Variants in RPSA2 observed in about 807,000 individuals in gnomAD.
RPSA2 encodes small ribosomal subunit protein uS2B.
At chr19:23,857,405 G>A in the RPSA2 span, among the ~76,000 whole-genome samples, 726 of 151,524 alleles carry the variant, frequency 4.8e-3, 4 homozygotes, top group Non-Finnish European at 6.7e-3. Flanking sequence ...GCTCCAGCCG[G>A]TCCCTCCATT....
chr19:23,830,820 A>G, the RPSA2 span, among the ~76,000 whole-genome samples: 1 of 151,804 alleles, frequency 6.6e-6, no homozygotes, highest in African/African-American at 2.4e-5. Flanking sequence ...CTGGGATCAT[A>G]TTGCCCTATT....
chr19:23,832,574 G>A, the RPSA2 span: 4 of 1,042,074 alleles, frequency 3.8e-6, no homozygotes, highest in South Asian at 1.4e-5. Context: ...ATGTGGCAAT[G>A]CTTTTAGCCA....
chr19:23,802,855 A>T, the RPSA2 span, among the ~76,000 whole-genome samples: 2 of 152,166 alleles, frequency 1.3e-5, no homozygotes, highest in African/African-American at 4.8e-5. Flanking sequence ...AAAATATGGG[A>T]TATATTTGCA....
the RPSA2 span, among the ~76,000 whole-genome samples, chr19:23,776,335 TG>T: frequency 6.6e-6 from 1 of 152,156 alleles, no homozygotes; most frequent in East Asian, 1.9e-4. Context: ...GCTTTCCACA[TG>T]GGGCATTTGG....
the RPSA2 span, among the ~76,000 whole-genome samples, chr19:23,807,389 G>T: frequency 6.6e-6 from 1 of 152,262 alleles, no homozygotes; most frequent in African/African-American, 2.4e-5. Flanking sequence ...AAAATAATCT[G>T]CATTAACATG....
At chr19:23,763,077 G>C in the RPSA2 span, 1 of 154,586 alleles carries the variant, frequency 6.5e-6, no homozygotes, top group African/African-American at 2.4e-5. Flanking sequence ...TACAGCCTCT[G>C]TTGACCTATG....
chr19:23,824,580 CT>C, the RPSA2 span, among the ~76,000 whole-genome samples: 862 of 63,774 alleles, frequency 0.014, 61 homozygotes, highest in African/African-American at 0.041. Flanking sequence ...TATAGCATTT[CT>C]TTTTTTTTTT....
chr19:23,795,973 C>A, the RPSA2 span, among the ~76,000 whole-genome samples: 1 of 152,110 alleles, frequency 6.6e-6, no homozygotes, highest in African/African-American at 2.4e-5. Context: ...CCATGTCAGC[C>A]AGGTTGATCT....
the RPSA2 span, among the ~76,000 whole-genome samples, chr19:23,791,834 G>C: frequency 6.6e-6 from 1 of 150,980 alleles, no homozygotes; most frequent in African/African-American, 2.4e-5. Flanking sequence ...CCACCTTCTG[G>C]GTTCAAGCAA....
chr19:23,838,966 TC>T, the RPSA2 span, among the ~76,000 whole-genome samples: 1 of 152,170 alleles, frequency 6.6e-6, no homozygotes, highest in Admixed American at 6.5e-5. Context: ...TCTGCTCTGA[TC>T]TTGATTATTT....
chr19:23,758,734 C>T, the RPSA2 span: 8 of 1,614,242 alleles, frequency 5.0e-6, no homozygotes, highest in Non-Finnish European at 6.8e-6. Context: ...GATGTCGGAC[C>T]CGACATTCTC....
At chr19:23,798,494 G>T in the RPSA2 span, among the ~76,000 whole-genome samples, 1 of 152,062 alleles carries the variant, frequency 6.6e-6, no homozygotes, top group African/African-American at 2.4e-5. Context: ...ACAATAGTAT[G>T]AATATAAAGC....
the RPSA2 span, among the ~76,000 whole-genome samples, chr19:23,760,221 A>G: frequency 6.6e-6 from 1 of 152,106 alleles, no homozygotes; most frequent in African/African-American, 2.4e-5. Flanking sequence ...ACATGGGGCC[A>G]GGAGGTGAAG....
chr19:23,781,424 T>C, the RPSA2 span, among the ~76,000 whole-genome samples: 1 of 152,148 alleles, frequency 6.6e-6, no homozygotes, highest in Non-Finnish European at 1.5e-5. Flanking sequence ...CTGCAACTTC[T>C]GCCTCCTGGG....
chr19:23,766,751 G>T, the RPSA2 span, among the ~76,000 whole-genome samples: 1 of 103,754 alleles, frequency 9.6e-6, no homozygotes, highest in African/African-American at 3.7e-5. Flanking sequence ...ACCGTGCCGG[G>T]CCAAATGTTT....
At chr19:23,865,693 C>T in the RPSA2 span, among the ~76,000 whole-genome samples, 2 of 152,254 alleles carry the variant, frequency 1.3e-5, no homozygotes, top group Non-Finnish European at 2.9e-5. Context: ...GAAGTAGAAA[C>T]CCCCACACAA....
chr19:23,809,613 A>G, the RPSA2 span: 3 of 152,030 alleles, frequency 2.0e-5, no homozygotes, highest in African/African-American at 7.2e-5. Context: ...TTTCATTGCT[A>G]TTGTAAATAA....
chr19:23,804,373 T>C, the RPSA2 span, among the ~76,000 whole-genome samples: 1 of 149,164 alleles, frequency 6.7e-6, no homozygotes, highest in Non-Finnish European at 1.5e-5. Flanking sequence ...TTCGGCTCAC[T>C]GCAAGCTCCG....
chr19:23,868,512 A>C, the RPSA2 span, among the ~76,000 whole-genome samples: 732 of 83,904 alleles, frequency 8.7e-3, 4 homozygotes, highest in Non-Finnish European at 0.011. Flanking sequence ...TTGAGAAAAC[A>C]AAAAAAAAGG....
Sources: gnomAD v4.1 joint callset for allele counts (sites outside exome capture counted in the v4.1 genomes callset) on GRCh38, gnomAD v4.1.1 for gene constraint, MANE v1.5 for transcripts, NCBI Gene and HGNC (gene_info 2026-07-23, HGNC 2026-07-21) for gene names.